The following GRM7 variants were observed in gnomAD, a reference collection of about 807,000 sequenced individuals.
GRM7 encodes the protein glutamate metabotropic receptor 7, also known as metabotropic glutamate receptor 7.
A neutral mutation model predicts 84.5 loss-of-function variants in GRM7; 35 were observed. That is an observed-to-expected ratio of 0.41 (90% CI 0.32 to 0.55). The LOEUF (loss-of-function observed/expected upper bound fraction) is 0.55. Among genes scored for constraint, GRM7 ranks in the 20% least tolerant of loss-of-function variants. GRM7 has a pLI of 0.19. For missense variants in GRM7, 1,003 were observed against 1,194.6 expected, an observed-to-expected ratio of 0.84 and a Z score of 2.36; for synonymous variants, 487 against 455.1, an observed-to-expected ratio of 1.07 and a Z score of -0.89.
chr3:7,696,632 C>T (rs564592631), intron 9 of GRM7, among the ~76,000 whole-genome samples: 4 of 152,136 alleles, frequency 2.6e-5, no homozygotes, highest in Non-Finnish European at 5.9e-5. Flanking sequence ...CTTTGAGATT[C>T]GGTTGTCAGC....
intron 1 of GRM7, among the ~76,000 whole-genome samples, chr3:7,135,191 T>G (rs73122325): frequency 0.01 from 1,568 of 152,334 alleles, 23 homozygotes; most frequent in African/African-American, 0.036. Context: ...CAAATTAGAA[T>G]TCCTGCCCAA....
intron 1 of GRM7, among the ~76,000 whole-genome samples, chr3:7,007,946 C>T (rs548748776): frequency 1.3e-5 from 2 of 152,216 alleles, no homozygotes; most frequent in Admixed American, 6.5e-5. Flanking sequence ...GAACTAGCAA[C>T]GTAAGAAATG....
At chr3:7,201,304 T>C (rs1696062979) in intron 2 of GRM7, among the ~76,000 whole-genome samples, 1 of 152,158 alleles carries the variant, frequency 6.6e-6, no homozygotes, top group African/African-American at 2.4e-5. Context: ...TTTCATGAGT[T>C]TGATTTGCTT....
At chr3:7,136,844 T>C (rs974045369) in intron 1 of GRM7, among the ~76,000 whole-genome samples, 2 of 152,142 alleles carry the variant, frequency 1.3e-5, no homozygotes, top group East Asian at 1.9e-4. Context: ...GGGTAAATAC[T>C]CTCAAGGAAT....
In GRM7 at chr3:6,887,744, C is replaced by G. The variant is rs564370028; in HGVS notation, c.519+25837C>G. 3.9e-3 allele frequency among the ~76,000 whole-genome samples: 590 copies of G among 152,112 alleles called. 3 individuals are homozygous for G. Among genetic ancestry groups the G allele is most frequent in the Non-Finnish European group, 5.6e-3 (383 of 68,006 alleles). ...GATTTATAGTCCTTTGGGTATATAC[C>G]CCGTACTGGGATGGCTGGGTCAAAT... On this transcript the variant is annotated intron_variant, in intron 1 of 9. Coordinates refer to ENST00000357716, the MANE Select transcript of GRM7 (RefSeq NM_000844.4).
At chr3:7,197,397 T>G (rs941703230) in intron 2 of GRM7, among the ~76,000 whole-genome samples, 1 of 152,206 alleles carries the variant, frequency 6.6e-6, no homozygotes, top group African/African-American at 2.4e-5. Flanking sequence ...ATAATTCCAA[T>G]TCTCTCAATG....
chr3:7,206,019 C>G (rs7609676), intron 2 of GRM7, among the ~76,000 whole-genome samples: 100,304 of 152,028 alleles, frequency 0.66, 34,033 homozygotes, highest in African/African-American at 0.75. Context: ...GGTCGTAACT[C>G]AAATATACAC....
At chr3:7,154,188 C>T (rs779424244) in intron 2 of GRM7, among the ~76,000 whole-genome samples, 1 of 152,138 alleles carries the variant, frequency 6.6e-6, no homozygotes, top group South Asian at 2.1e-4. Context: ...CCAAGAACAT[C>T]GGGTTCTGGC....
intron 2 of GRM7, among the ~76,000 whole-genome samples, chr3:7,177,709 G>T (rs1239674811): frequency 6.6e-6 from 1 of 152,048 alleles, no homozygotes; most frequent in African/African-American, 2.4e-5. Flanking sequence ...TAAATATCGA[G>T]AATCATGATA....
intron 5 of GRM7, among the ~76,000 whole-genome samples, chr3:7,415,674 G>A (rs965165081): frequency 6.6e-6 from 1 of 152,082 alleles, no homozygotes; most frequent in African/African-American, 2.4e-5. Context: ...AAAAATATCT[G>A]TGAATAAGTG....
At chr3:7,063,190 G>A (rs561910309) in intron 1 of GRM7, among the ~76,000 whole-genome samples, 6 of 151,786 alleles carry the variant, frequency 4.0e-5, no homozygotes, top group African/African-American at 1.2e-4. Flanking sequence ...GCCCTCTCCC[G>A]CCCAAACTAA....
intron 1 of GRM7, among the ~76,000 whole-genome samples, chr3:6,975,645 C>T (rs1017448832): frequency 3.3e-5 from 5 of 152,058 alleles, no homozygotes; most frequent in South Asian, 2.1e-4. Context: ...TATGTGCTTA[C>T]GATGCTCTCT....
intron 6 of GRM7, among the ~76,000 whole-genome samples, chr3:7,455,822 A>G (rs1328084240): frequency 6.6e-6 from 1 of 152,060 alleles, no homozygotes; most frequent in Non-Finnish European, 1.5e-5. Flanking sequence ...GTAGCATTCC[A>G]TCAGTGTTAA....
chr3:7,466,344 G>T (rs188039926), intron 7 of GRM7, among the ~76,000 whole-genome samples: 1 of 152,110 alleles, frequency 6.6e-6, no homozygotes, highest in Non-Finnish European at 1.5e-5. Flanking sequence ...AGTTATATTC[G>T]AACTGGATCT....
At chr3:7,302,634 T>G (rs922840425) in intron 3 of GRM7, among the ~76,000 whole-genome samples, 14 of 152,238 alleles carry the variant, frequency 9.2e-5, no homozygotes, top group African/African-American at 3.4e-4. Flanking sequence ...CAATTTTTGG[T>G]CAGCTTTTAT....
At chr3:7,243,732 A>G (rs1313043068) in intron 2 of GRM7, among the ~76,000 whole-genome samples, 2 of 152,084 alleles carry the variant, frequency 1.3e-5, no homozygotes, top group Non-Finnish European at 2.9e-5. Context: ...TCATTAGACA[A>G]TTTCATCATT....
chr3:7,190,725 A>T (rs971764617), intron 2 of GRM7, among the ~76,000 whole-genome samples: 1 of 152,052 alleles, frequency 6.6e-6, no homozygotes, highest in Non-Finnish European at 1.5e-5. Flanking sequence ...TCTTAAAATC[A>T]TGGTGTCCTT....
intron 1 of GRM7, among the ~76,000 whole-genome samples, chr3:7,077,120 G>T (rs755808988): frequency 6.6e-6 from 1 of 152,106 alleles, no homozygotes; most frequent in Non-Finnish European, 1.5e-5. Context: ...TTTACACTGT[G>T]GGTGGGAGTG....
At chr3:7,027,323 A>G (rs1421870087) in intron 1 of GRM7, among the ~76,000 whole-genome samples, 1 of 152,230 alleles carries the variant, frequency 6.6e-6, no homozygotes, top group African/African-American at 2.4e-5. Flanking sequence ...CTAAACATCT[A>G]GACCTTTGAA....
Sources: allele counts gnomAD v4.1 joint callset (sites outside exome capture counted in the v4.1 genomes callset), GRCh38; gene constraint gnomAD v4.1.1; transcripts MANE v1.5; gene names NCBI Gene and HGNC (gene_info 2026-07-23, HGNC 2026-07-21).